NTM: variants seen among roughly 807,000 people sequenced by gnomAD.
NTM encodes the protein neurotrimin, also known as IgLON family member 2.
A neutral mutation model predicts 42.1 loss-of-function variants in NTM; 13 were observed. The ratio of observed to expected loss-of-function variants is 0.31; its 90% CI spans 0.20 to 0.49. The LOEUF (loss-of-function observed/expected upper bound fraction) is 0.49. NTM is among the 20% of genes least tolerant of loss of function. The pLI is 0.99. For synonymous variants in NTM, 187 were observed against 179.2 expected, an observed-to-expected ratio of 1.04 and a Z score of -0.35; for missense variants, 373 against 452.8, an observed-to-expected ratio of 0.82 and a Z score of 1.60.
chr11:132,280,459 G>C (rs2093926177), intron 4 of NTM, among the ~76,000 whole-genome samples: 1 of 142,200 alleles, frequency 7.0e-6, no homozygotes, highest in Non-Finnish European at 1.5e-5. Flanking sequence ...TCACCACACT[G>C]TCCTGATACT....
At chr11:131,930,188 A>G (rs1339676827) in intron 2 of NTM, among the ~76,000 whole-genome samples, 2 of 152,244 alleles carry the variant, frequency 1.3e-5, no homozygotes, top group Admixed American at 6.5e-5. Context: ...CCCATTAGAA[A>G]TGCATTTGAA....
At chr11:131,554,196 G>A (rs2055082860) in intron 1 of NTM, among the ~76,000 whole-genome samples, 1 of 152,154 alleles carries the variant, frequency 6.6e-6, no homozygotes, top group African/African-American at 2.4e-5. Context: ...GAGATCATGT[G>A]GCTCCTTCAT....
At chr11:131,772,278 C>T (rs1292009907) in intron 1 of NTM, among the ~76,000 whole-genome samples, 1 of 152,130 alleles carries the variant, frequency 6.6e-6, no homozygotes, top group Admixed American at 6.5e-5. Flanking sequence ...CCCTCTAGTC[C>T]ATCCGCCTAC....
At chr11:131,756,925 C>A (rs567451236) in intron 1 of NTM, among the ~76,000 whole-genome samples, 1 of 152,266 alleles carries the variant, frequency 6.6e-6, no homozygotes, top group Non-Finnish European at 1.5e-5. Flanking sequence ...GAAGCAGAAT[C>A]AGGGACTATG....
At chr11:131,712,543 CT>C in intron 1 of NTM, among the ~76,000 whole-genome samples, 1 of 152,126 alleles carries the variant, frequency 6.6e-6, no homozygotes, top group Admixed American at 6.6e-5. Context: ...TTTTCTTCCC[CT>C]TCTCTTCCTA....
At chr11:131,950,320 AC>A (rs2060834461) in intron 2 of NTM, among the ~76,000 whole-genome samples, 1 of 152,180 alleles carries the variant, frequency 6.6e-6, no homozygotes, top group Non-Finnish European at 1.5e-5. Context: ...GACTAATAAC[AC>A]GTGGATTCCC....
At chr11:131,687,424 C>T (rs2074029610) in intron 1 of NTM, among the ~76,000 whole-genome samples, 1 of 152,278 alleles carries the variant, frequency 6.6e-6, no homozygotes, top group African/African-American at 2.4e-5. Context: ...GTTTGCGACC[C>T]GCTGTGGCCT....
chr11:131,466,933 C>T (rs1445877964), intron 1 of NTM, among the ~76,000 whole-genome samples: 3 of 152,150 alleles, frequency 2.0e-5, no homozygotes, highest in Non-Finnish European at 2.9e-5. Flanking sequence ...GGCCTGCTTT[C>T]CAGCTCACTG....
intron 1 of NTM, among the ~76,000 whole-genome samples, chr11:131,804,713 G>C (rs970108035): frequency 6.6e-6 from 1 of 152,100 alleles, no homozygotes; most frequent in Non-Finnish European, 1.5e-5. Context: ...TGTCTCTATT[G>C]CTGTGGTTTG....
At chr11:131,378,093 A>C (rs1402329048) in intron 1 of NTM, among the ~76,000 whole-genome samples, 1 of 152,174 alleles carries the variant, frequency 6.6e-6, no homozygotes, top group Non-Finnish European at 1.5e-5. Context: ...AAAAATACCA[A>C]TGTCTGGACC....
intron 1 of NTM, among the ~76,000 whole-genome samples, chr11:131,444,677 G>T (rs531579260): frequency 1.3e-5 from 2 of 152,132 alleles, no homozygotes; most frequent in Non-Finnish European, 2.9e-5. Context: ...GTGTGGTTGT[G>T]GGGGGTGTGG....
intron 1 of NTM, among the ~76,000 whole-genome samples, chr11:131,487,259 G>C (rs974662789): frequency 6.6e-6 from 1 of 152,112 alleles, no homozygotes; most frequent in African/African-American, 2.4e-5. Flanking sequence ...GCTGAACTCT[G>C]GAGAATATAA....
rs199839634 is a variant in NTM, at chr11:132,146,524, C to A, written c.400+10C>A. 16 of 1,610,392 alleles carry A rather than the reference C, an allele frequency of 9.9e-6. No homozygotes were observed. Among genetic ancestry groups the A allele is most frequent in the Non-Finnish European group, 8.5e-7 (1 of 1,177,160 alleles). On this transcript the variant is annotated intron_variant, in intron 3 of 8. Transcript: ENST00000683400. The surrounding 1 kb of genome is among the most constrained non-coding windows in gnomAD (Gnocchi z 4.5). Reference sequence around the variant, plus strand: ...CACCTCATTGTGCAAGGTAGGTGGGCGGGGCTTGGCGGGGAGATCTGGCTG... The same window carrying A: ...CACCTCATTGTGCAAGGTAGGTGGGAGGGGCTTGGCGGGGAGATCTGGCTG...
rs528217880 is a variant in NTM at position 131,805,047 on chromosome 11, T to G, written c.83-106517T>G. Among the ~76,000 whole-genome samples, 18 of 152,314 alleles carry G rather than the reference T, an allele frequency of 1.2e-4. No homozygotes were observed. The East Asian group carries it at 3.3e-3, about 28-fold the overall frequency. On this transcript the variant is annotated intron_variant, in intron 1 of 8. Coordinates refer to ENST00000683400, the MANE Select transcript of NTM (RefSeq NM_001352005.2). The stretch of plus-strand genomic sequence containing the variant: ...AGAACTGTGAGAAATAAATGTCTGA[T>G]TTTTATAAATTAATCACTCTCAGGC...
chr11:132,041,072 A>G (rs2077112376), intron 2 of NTM, among the ~76,000 whole-genome samples: 2 of 152,202 alleles, frequency 1.3e-5, no homozygotes, highest in South Asian at 4.1e-4. Flanking sequence ...TGGAGTCTTC[A>G]ATACCCCACA....
At chr11:132,238,282 G>T (rs1377173008) in intron 4 of NTM, among the ~76,000 whole-genome samples, 1 of 152,114 alleles carries the variant, frequency 6.6e-6, no homozygotes, top group African/African-American at 2.4e-5. Flanking sequence ...TAAGATGGGG[G>T]AGGATTGTGG....
chr11:132,318,480 C>CCCTTTACATCCTCTT (rs893294688), intron 7 of NTM, among the ~76,000 whole-genome samples: 3 of 152,156 alleles, frequency 2.0e-5, no homozygotes, highest in Non-Finnish European at 2.9e-5. Context: ...TCTCCACAGT[C>CCCTTTACATCCTCTT]CCTTTACATC....
chr11:131,501,546 G>C (rs1379980446), intron 1 of NTM, among the ~76,000 whole-genome samples: 2 of 152,196 alleles, frequency 1.3e-5, no homozygotes, highest in Non-Finnish European at 2.9e-5. Flanking sequence ...AGGGTCTTCA[G>C]GAGAGGGAAG....
At chr11:132,115,102 C>A in intron 2 of NTM, among the ~76,000 whole-genome samples, 1 of 151,938 alleles carries the variant, frequency 6.6e-6, no homozygotes, top group East Asian at 1.9e-4. Flanking sequence ...TAGAAAAATC[C>A]AACTCATAAA....
Sources: gnomAD v4.1 joint callset for allele counts (sites outside exome capture counted in the v4.1 genomes callset) on GRCh38, gnomAD v4.1.1 for gene constraint, Gnocchi (gnomAD v3.1) non-coding constraint, MANE v1.5 for transcripts, NCBI Gene and HGNC (gene_info 2026-07-23, HGNC 2026-07-21) for gene names.